Variants in GPD2 observed in about 807,000 individuals in gnomAD.
GPD2 encodes the protein glycerol-3-phosphate dehydrogenase 2.
GPD2 carries 54 observed loss-of-function variants against 82.4 expected under a neutral mutation model. The ratio of observed to expected loss-of-function variants is 0.66; its 90% CI spans 0.53 to 0.82. GPD2 has a LOEUF of 0.82. Among genes scored for constraint, GPD2 ranks in the 40% least tolerant of loss-of-function variants. GPD2 has a pLI of 0.00. For synonymous variants in GPD2, 288 were observed against 306.1 expected, an observed-to-expected ratio of 0.94 and a Z score of 0.62; for missense variants, 748 against 896.2, an observed-to-expected ratio of 0.83 and a Z score of 2.11.
At chr2:156,482,760 G>A (rs910012054) in intron 2 of GPD2, among the ~76,000 whole-genome samples, 3 of 152,024 alleles carry the variant, frequency 2.0e-5, no homozygotes, top group Non-Finnish European at 4.4e-5. Flanking sequence ...CTTGTGAGTG[G>A]CTTAGGAAAT....
At chr2:156,440,548 G>C (rs965104591) in intron 1 of GPD2, among the ~76,000 whole-genome samples, 4 of 152,082 alleles carry the variant, frequency 2.6e-5, no homozygotes, top group African/African-American at 9.7e-5. Flanking sequence ...TTGATCTCTC[G>C]TTAGAGACTC....
chr2:156,473,354 TAAAAC>T (rs1376065226), intron 1 of GPD2, among the ~76,000 whole-genome samples: 1 of 152,152 alleles, frequency 6.6e-6, no homozygotes, highest in Admixed American at 6.5e-5. Context: ...CAAATCAAAT[TAAAAC>T]AATACTATCA....
the GPD2 span, among the ~76,000 whole-genome samples, chr2:156,425,226 A>G: frequency 6.6e-6 from 1 of 152,050 alleles, no homozygotes; most frequent in Admixed American, 6.6e-5. Flanking sequence ...AGCCTCCTGC[A>G]GAGCTGGGAT....
chr2:156,542,097 TTATG>T (rs1573981697), intron 6 of GPD2, among the ~76,000 whole-genome samples: 1 of 152,088 alleles, frequency 6.6e-6, no homozygotes, highest in East Asian at 1.9e-4. Flanking sequence ...TATAGAAACT[TTATG>T]TACTTAAATA....
chr2:156,555,770 G>A (rs1268867469), intron 8 of GPD2, among the ~76,000 whole-genome samples: 3 of 152,278 alleles, frequency 2.0e-5, no homozygotes, highest in Non-Finnish European at 4.4e-5. Context: ...ATACATTAGA[G>A]TAAAAGTAAA....
At chr2:156,463,999 T>C (rs1683072517) in intron 1 of GPD2, among the ~76,000 whole-genome samples, 1 of 152,160 alleles carries the variant, frequency 6.6e-6, no homozygotes, top group Non-Finnish European at 1.5e-5. Context: ...ATCTTTTTCT[T>C]TAGTTTGGAA....
At chr2:156,425,883 C>A in the GPD2 span, among the ~76,000 whole-genome samples, 17 of 150,754 alleles carry the variant, frequency 1.1e-4, no homozygotes, top group Admixed American at 1.1e-3. Flanking sequence ...TGTATTAGTT[C>A]GTTTTCATAC....
At chr2:156,529,964 A>G (rs1460638517) in intron 6 of GPD2, among the ~76,000 whole-genome samples, 1 of 151,938 alleles carries the variant, frequency 6.6e-6, no homozygotes, top group East Asian at 1.9e-4. Flanking sequence ...ACTATTTTCC[A>G]ATTCTGTGAA....
At chr2:156,492,457 T>C (rs1161936800) in intron 2 of GPD2, among the ~76,000 whole-genome samples, 1 of 151,600 alleles carries the variant, frequency 6.6e-6, no homozygotes. Flanking sequence ...TTTTTTTTTT[T>C]TTCTTTTTTT....
At chr2:156,490,153 A>G (rs1477244485) in intron 2 of GPD2, among the ~76,000 whole-genome samples, 1 of 152,158 alleles carries the variant, frequency 6.6e-6, no homozygotes, top group East Asian at 1.9e-4. Context: ...CTCTTGTCTT[A>G]AAGTGTGTTG....
the GPD2 span, among the ~76,000 whole-genome samples, chr2:156,401,118 C>A: frequency 6.6e-6 from 1 of 152,086 alleles, no homozygotes; most frequent in African/African-American, 2.4e-5. Context: ...GTGTATGATA[C>A]CCACAGAAAA....
intron 16 of GPD2, among the ~76,000 whole-genome samples, chr2:156,580,498 C>T (rs542721068): frequency 3.9e-5 from 6 of 152,232 alleles, no homozygotes; most frequent in African/African-American, 1.4e-4. Context: ...CCATATGACT[C>T]TGATCATATG....
intron 1 of GPD2, among the ~76,000 whole-genome samples, chr2:156,448,690 C>A (rs1005483131): frequency 1.3e-5 from 2 of 152,092 alleles, no homozygotes; most frequent in African/African-American, 4.8e-5. Context: ...CAGCTGGCCC[C>A]AAAACACTAA....
chr2:156,540,470 G>A (rs1409969410), intron 6 of GPD2, among the ~76,000 whole-genome samples: 1 of 152,202 alleles, frequency 6.6e-6, no homozygotes, highest in African/African-American at 2.4e-5. Context: ...TTAGACGCTA[G>A]TAAGCAAAAC....
At chr2:156,490,829 C>T (rs1374257227) in intron 2 of GPD2, among the ~76,000 whole-genome samples, 1 of 152,094 alleles carries the variant, frequency 6.6e-6, no homozygotes, top group Non-Finnish European at 1.5e-5. Flanking sequence ...AAAGCAAAAC[C>T]CTTAAAATAA....
intron 2 of GPD2, among the ~76,000 whole-genome samples, chr2:156,489,683 TCCTTCTTCCTTC>T (rs1684078150): frequency 6.8e-6 from 1 of 147,294 alleles, no homozygotes; most frequent in Non-Finnish European, 1.5e-5. Flanking sequence ...GTTTTTTCCT[TCCTTCTTCCTTC>T]CTTCCTTCCT....
chr2:156,553,519 C>G (rs1686846441), intron 8 of GPD2, among the ~76,000 whole-genome samples: 1 of 152,004 alleles, frequency 6.6e-6, no homozygotes, highest in Non-Finnish European at 1.5e-5. Flanking sequence ...AATGTAAGTA[C>G]ATAACTAGAA....
intron 1 of GPD2, among the ~76,000 whole-genome samples, chr2:156,439,537 AAAC>A (rs1206916691): frequency 0.087 from 8,395 of 96,720 alleles, 3,590 homozygotes; most frequent in Non-Finnish European, 0.14. Context: ...AAAAAAAAAA[AAAC>A]AAAAAAAAAA....
At chr2:156,579,031 CTT>C in intron 14 of GPD2, 30 bp downstream of exon 14, 3 of 1,522,938 alleles carry the variant, frequency 2.0e-6, no homozygotes, top group Non-Finnish European at 9.1e-7. Flanking sequence ...ATCTATCTCT[CTT>C]TTTTTTTGGC....
Sources: allele counts gnomAD v4.1 joint callset (sites outside exome capture counted in the v4.1 genomes callset), GRCh38; gene constraint gnomAD v4.1.1; transcripts MANE v1.5; gene names NCBI Gene and HGNC (gene_info 2026-07-23, HGNC 2026-07-21).